Variants in NKAIN3 observed in about 807,000 individuals in gnomAD.
The protein encoded by NKAIN3 is sodium/potassium-transporting ATPase subunit beta-1-interacting protein 3.
In NKAIN3, 25 loss-of-function variants were observed where a neutral mutation model predicts 30.2. The observed-to-expected ratio is 0.83, with a 90% CI of 0.60 to 1.16. The LOEUF is 1.16. Ranked by LOEUF, NKAIN3 falls within the 50% of genes most tolerant of loss-of-function variation. NKAIN3 has a pLI of 0.00. For missense variants in NKAIN3, 225 were observed against 254.1 expected, an observed-to-expected ratio of 0.89 and a Z score of 0.78; for synonymous variants, 91 against 89.6, an observed-to-expected ratio of 1.02 and a Z score of -0.09.
chr8:62,798,240 G>A (rs764211740), intron 4 of NKAIN3, among the ~76,000 whole-genome samples: 6 of 152,108 alleles, frequency 3.9e-5, no homozygotes, highest in Non-Finnish European at 7.4e-5. Flanking sequence ...TGCATCTCCT[G>A]TTGGGTTGCC....
At chr8:62,303,357 T>C (rs964876509) in intron 1 of NKAIN3, among the ~76,000 whole-genome samples, 4 of 150,492 alleles carry the variant, frequency 2.7e-5, no homozygotes, top group African/African-American at 1.0e-4. Context: ...AGTCCACTCA[T>C]TTCCTATCTC....
At chr8:62,295,647 A>G (rs1396050224) in intron 1 of NKAIN3, among the ~76,000 whole-genome samples, 1 of 152,198 alleles carries the variant, frequency 6.6e-6, no homozygotes, top group Non-Finnish European at 1.5e-5. Flanking sequence ...CATATAAAAT[A>G]AGATCACTTT....
intron 5 of NKAIN3, among the ~76,000 whole-genome samples, chr8:62,991,973 C>A (rs59449320): frequency 6.7e-6 from 1 of 150,338 alleles, no homozygotes; most frequent in African/African-American, 2.5e-5. Flanking sequence ...GGCCCATACC[C>A]AGCACTGCTC....
At chr8:62,872,948 G>T (rs1224602804) in intron 4 of NKAIN3, among the ~76,000 whole-genome samples, 1 of 152,110 alleles carries the variant, frequency 6.6e-6, no homozygotes, top group Non-Finnish European at 1.5e-5. Flanking sequence ...TGAAGAAAGT[G>T]CATCAACTCA....
rs139520429 is a variant in NKAIN3, at chr8:62,270,234, C to G, written c.54+21107C>G. Among the ~76,000 whole-genome samples the G allele has an allele frequency of 3.0e-3, 457 of 152,032 alleles. 3 individuals are homozygous for G. The highest frequency in any genetic ancestry group is 0.01 in the African/African-American group (423 of 41,484). ...AGCTGGTATCACAGTCATGTGTGAC[C>G]ACAACCAACAAAGTTTTAAAATTTT... is the stretch of plus-strand genomic sequence containing the variant. On this transcript the variant is annotated intron_variant, in intron 1 of 6. Transcript: ENST00000623646.
chr8:62,316,420 TC>T (rs36162648), intron 1 of NKAIN3, among the ~76,000 whole-genome samples: 18,312 of 150,876 alleles, frequency 0.12, 1,418 homozygotes, highest in South Asian at 0.18. Flanking sequence ...CCTAATGCTA[TC>T]CCCCCCCTCC....
At chr8:62,777,978 G>A (rs73256920) in intron 4 of NKAIN3, among the ~76,000 whole-genome samples, 328 of 152,206 alleles carry the variant, frequency 2.2e-3, no homozygotes, top group African/African-American at 7.5e-3. Context: ...ATGTTGGGGG[G>A]CTTGGATAAG....
At chr8:62,297,341 G>C (rs1813868163) in intron 1 of NKAIN3, among the ~76,000 whole-genome samples, 1 of 152,006 alleles carries the variant, frequency 6.6e-6, no homozygotes, top group Non-Finnish European at 1.5e-5. Flanking sequence ...TTAAACTAAA[G>C]AGCTTCTGCA....
intron 4 of NKAIN3, among the ~76,000 whole-genome samples, chr8:62,786,869 T>C (rs1303639465): frequency 6.6e-6 from 1 of 152,122 alleles, no homozygotes; most frequent in Non-Finnish European, 1.5e-5. Context: ...TTGAATGCAG[T>C]TGTCAGTGCT....
chr8:62,996,716 A>T (rs1365654973), intron 5 of NKAIN3, among the ~76,000 whole-genome samples: 1 of 152,208 alleles, frequency 6.6e-6, no homozygotes, highest in Non-Finnish European at 1.5e-5. Context: ...AAAATGGGAG[A>T]AATTGGCCAA....
At chr8:62,877,336 A>C (rs1298976270) in intron 4 of NKAIN3, among the ~76,000 whole-genome samples, 1 of 152,350 alleles carries the variant, frequency 6.6e-6, no homozygotes, top group African/African-American at 2.4e-5. Context: ...GGGGCAGCCC[A>C]ATTAGGCGGC....
intron 1 of NKAIN3, among the ~76,000 whole-genome samples, chr8:62,456,476 G>A (rs986404261): frequency 4.6e-5 from 7 of 151,672 alleles, no homozygotes; most frequent in South Asian, 4.2e-4. Flanking sequence ...CCGAGATGGC[G>A]CCACTGCACT....
At chr8:62,816,861 C>G (rs535998740) in intron 4 of NKAIN3, among the ~76,000 whole-genome samples, 3 of 152,254 alleles carry the variant, frequency 2.0e-5, no homozygotes, top group Admixed American at 1.3e-4. Flanking sequence ...AGAATTTTCT[C>G]CCTGGAAAGA....
chr8:62,269,455 C>T (rs369140146), intron 1 of NKAIN3, among the ~76,000 whole-genome samples: 2 of 152,024 alleles, frequency 1.3e-5, no homozygotes, highest in African/African-American at 2.4e-5. Flanking sequence ...TCTCTGGAGT[C>T]GCCCATTATT....
intron 4 of NKAIN3, among the ~76,000 whole-genome samples, chr8:62,869,891 C>G (rs372008817): frequency 1.2e-4 from 19 of 152,226 alleles, no homozygotes; most frequent in African/African-American, 3.9e-4. Flanking sequence ...CCTCAGCCCC[C>G]CCGAAGTGGC....
intron 1 of NKAIN3, among the ~76,000 whole-genome samples, chr8:62,411,420 A>G (rs1226260938): frequency 6.6e-6 from 1 of 152,200 alleles, no homozygotes; most frequent in Non-Finnish European, 1.5e-5. Flanking sequence ...AGAGCCACCT[A>G]TCACAAACCT....
intron 1 of NKAIN3, among the ~76,000 whole-genome samples, chr8:62,532,174 A>G (rs1585914195): frequency 6.6e-6 from 1 of 152,264 alleles, no homozygotes; most frequent in East Asian, 1.9e-4. Flanking sequence ...GGTGTTGTCC[A>G]TGAGAAATGA....
intron 1 of NKAIN3, among the ~76,000 whole-genome samples, chr8:62,284,367 C>T (rs1304207888): frequency 6.6e-6 from 1 of 152,032 alleles, no homozygotes; most frequent in African/African-American, 2.4e-5. Flanking sequence ...CGGTGGCTTA[C>T]GTCTGTAATC....
At position 62,448,687 on chromosome 8, in the gene NKAIN3, GC is replaced by G. The variant is rs59457502; in HGVS notation, c.55-130851del. Among the ~76,000 whole-genome samples the G allele has an allele frequency of 1.8e-3, 269 of 152,016 alleles. 1 individual carries two copies. The highest frequency in any genetic ancestry group is 6.2e-3 in the African/African-American group (257 of 41,554). On this transcript the variant is annotated intron_variant, in intron 1 of 6. Coordinates refer to ENST00000623646, the MANE Select transcript of NKAIN3 (RefSeq NM_001304533.3). Reference sequence around the variant, plus strand: ...CAGAAAGACAGCAGACCTAGAAGAGGCAGCTCTGCTAGTCAATAATGGAAGA... The same window carrying G: ...CAGAAAGACAGCAGACCTAGAAGAGGAGCTCTGCTAGTCAATAATGGAAGA...
Sources: gnomAD v4.1 joint callset for allele counts (sites outside exome capture counted in the v4.1 genomes callset) on GRCh38, gnomAD v4.1.1 for gene constraint, MANE v1.5 for transcripts, NCBI Gene and HGNC (gene_info 2026-07-23, HGNC 2026-07-21) for gene names.